The following XPO4 variants were observed in gnomAD, a reference collection of about 807,000 sequenced individuals.
XPO4 encodes the protein exportin-4.
A neutral mutation model predicts 143.0 loss-of-function variants in XPO4; 39 were observed. The ratio of observed to expected loss-of-function variants is 0.27; its 90% CI spans 0.21 to 0.36. XPO4 has a LOEUF of 0.36. XPO4 is among the 10% of genes least tolerant of loss of function. The pLI is 1.00. For missense variants in XPO4, 907 were observed against 1,348.0 expected (o/e 0.67, Z 5.12); for synonymous variants, 439 against 474.0 (o/e 0.93, Z 0.96).
At position 20,783,671 on chromosome 13, in the gene XPO4, A is replaced by G; in HGVS notation, c.*51T>C. 6.3e-7 allele frequency: 1 copy of G among 1,593,498 alleles called. No homozygotes were observed. Among genetic ancestry groups the G allele is most frequent in the Non-Finnish European group, 8.6e-7 (1 of 1,161,654 alleles). On this transcript the variant is annotated 3_prime_UTR_variant, in exon 23 of 23. Coordinates refer to ENST00000255305, the MANE Select transcript of XPO4 (RefSeq NM_022459.5). ...ACAAGACTCAAGTCAACTTTCAGCAATTCAGTGCACTTTGCAGAAAGGATC... is the reference window on the plus strand; with the variant it reads ...ACAAGACTCAAGTCAACTTTCAGCAGTTCAGTGCACTTTGCAGAAAGGATC...
chr13:20,791,554 G>T (rs2059280050), intron 18 of XPO4, among the ~76,000 whole-genome samples: 1 of 152,052 alleles, frequency 6.6e-6, no homozygotes, highest in Non-Finnish European at 1.5e-5. Flanking sequence ...TAATGACAAG[G>T]GAAAGGTTAA....
chr13:20,902,626 G>A (rs1173555459), intron 1 of XPO4, 44 bp downstream of exon 1: 13 of 1,507,978 alleles, frequency 8.6e-6, no homozygotes, highest in African/African-American at 1.4e-5. Context: ...AGGGCCGACC[G>A]GGGGCCCGCG....
chr13:20,877,788 G>A (rs368187250), intron 1 of XPO4, among the ~76,000 whole-genome samples: 23 of 152,272 alleles, frequency 1.5e-4, no homozygotes, highest in African/African-American at 4.3e-4. Context: ...ATCCAGAGTA[G>A]AAAGTAAAAA....
intron 1 of XPO4, among the ~76,000 whole-genome samples, chr13:20,888,311 G>A (rs2060479704): frequency 6.6e-6 from 1 of 151,864 alleles, no homozygotes; most frequent in South Asian, 2.1e-4. Context: ...CCAAGTATAT[G>A]GCATGATCTT....
chr13:20,858,083 G>A, intron 3 of XPO4: 1 of 615,682 alleles, frequency 1.6e-6, no homozygotes, highest in Non-Finnish European at 2.0e-6. Flanking sequence ...TGTCATGAAA[G>A]GCAAAAAAGA....
At chr13:20,874,651 C>T (rs190198067) in intron 1 of XPO4, among the ~76,000 whole-genome samples, 38 of 152,270 alleles carry the variant, frequency 2.5e-4, no homozygotes, top group Non-Finnish European at 4.7e-4. Context: ...CATCAGATGC[C>T]GGCACCATGC....
chr13:20,876,266 A>G lies in XPO4; in HGVS notation c.70-7565T>C, dbSNP rs913059516. Among the ~76,000 whole-genome samples, 22 of 113,750 alleles carry G rather than the reference A, an allele frequency of 1.9e-4. No homozygotes were observed. The East Asian group carries it at 0.011, about 56-fold the overall frequency. The allele number at this position is 113,750 out of a possible 152,430, so 74.6% of individuals were successfully genotyped here. A position where few individuals can be genotyped will look rare whatever the true frequency, so the allele number is the denominator to read the frequency against. On this transcript the variant is annotated intron_variant, in intron 1 of 22. Coordinates refer to ENST00000255305, the MANE Select transcript of XPO4 (RefSeq NM_022459.5). ...AATGAAAGCAAAACTCCATCTCGGA[A>G]AAAAAAAAAAAAAAAAAAGAATAAG...
At chr13:20,848,819 A>C in intron 4 of XPO4, 1 of 985,344 alleles carries the variant, frequency 1.0e-6, no homozygotes, top group African/African-American at 1.7e-5. Context: ...TCTACAAGAC[A>C]ATTTTAATAT....
chr13:20,899,172 A>G (rs895096057), intron 1 of XPO4, among the ~76,000 whole-genome samples: 1 of 152,072 alleles, frequency 6.6e-6, no homozygotes, highest in Non-Finnish European at 1.5e-5. Flanking sequence ...GGTTCCTGGA[A>G]CTAACCTCTC....
At chr13:20,784,370 C>T (rs1180010404) in intron 22 of XPO4, among the ~76,000 whole-genome samples, 1 of 152,164 alleles carries the variant, frequency 6.6e-6, no homozygotes, top group Non-Finnish European at 1.5e-5. Context: ...CTGAGGACAG[C>T]AATGTGCACA....
intron 4 of XPO4, among the ~76,000 whole-genome samples, chr13:20,853,336 CAAAAA>C (rs56312143): frequency 9.8e-6 from 1 of 101,986 alleles, no homozygotes; most frequent in Non-Finnish European, 1.9e-5. Flanking sequence ...GACCCTGTCT[CAAAAA>C]AAAAAAAAAA....
chr13:20,792,923 G>A (rs1178277630), intron 18 of XPO4, among the ~76,000 whole-genome samples: 1 of 151,786 alleles, frequency 6.6e-6, no homozygotes, highest in South Asian at 2.1e-4. Context: ...GAGTAGCTGG[G>A]ATTACAGGCA....
chr13:20,810,857 C>T (rs1000365967), intron 9 of XPO4, among the ~76,000 whole-genome samples: 1 of 152,186 alleles, frequency 6.6e-6, no homozygotes, highest in African/African-American at 2.4e-5. Context: ...GTCCTCTTTC[C>T]TATTCTTTCT....
intron 3 of XPO4, chr13:20,856,750 C>T (rs553637420): frequency 3.9e-5 from 31 of 792,082 alleles, no homozygotes; most frequent in Middle Eastern, 6.5e-4. Flanking sequence ...TCCACACACA[C>T]GCACAACTGC....
Position 20,858,253 on chromosome 13 carries a change from G to T in XPO4, c.318-2488C>A, listed in dbSNP as rs187581424. Among the ~76,000 whole-genome samples, 156 of 152,050 alleles carry T rather than the reference G, an allele frequency of 1.0e-3. 5 individuals carry two copies. The highest frequency in any genetic ancestry group is 6.8e-3 in the Middle Eastern group (2 of 294). On this transcript the variant is annotated intron_variant, in intron 3 of 22. Coordinates refer to ENST00000255305, the MANE Select transcript of XPO4 (RefSeq NM_022459.5). ...CCAAAAAAAAAGTATAAAGGAAAAA[G>T]GATGTAAATATTATTCAGACAATTG...
At chr13:20,814,987 CAAAT>C (rs770364097) in intron 9 of XPO4, among the ~76,000 whole-genome samples, 9 of 152,104 alleles carry the variant, frequency 5.9e-5, no homozygotes, top group Non-Finnish European at 1.3e-4. Flanking sequence ...AAAATGCTGT[CAAAT>C]GAAGCTTTGA....
At chr13:20,870,104 A>AAAAAGAATTG (rs1352783292) in intron 1 of XPO4, among the ~76,000 whole-genome samples, 3,154 of 149,464 alleles carry the variant, frequency 0.021, 168 homozygotes, top group African/African-American at 0.076. Flanking sequence ...AAAAAAAAAA[A>AAAAAGAATTG]AAAGAATTGT....
rs149432611 is a variant in XPO4 at position 20,902,007 on chromosome 13, G to A, written c.69+663C>T. 6.4e-5 allele frequency: 56 copies of A among 876,456 alleles called. No homozygotes were observed. The African/African-American group carries it at 8.3e-4, about 13-fold the overall frequency. 54.3% of individuals were successfully genotyped at this position (876,456 alleles called of 1,614,324 possible). A position where few individuals can be genotyped will look rare whatever the true frequency, so the allele number is the denominator to read the frequency against. On this transcript the variant is annotated intron_variant, in intron 1 of 22. Transcript: ENST00000255305. ...ATCTCATCAAACTGCTTATTGTAGT[G>A]TAAGCATGAAGTCAAAGAGTAGCAT...
At chr13:20,809,250 AATGAGGAACTGCATTGCCT>A in intron 10 of XPO4, 25 bp from the exon 11 acceptor site, 1 of 1,609,090 alleles carries the variant, frequency 6.2e-7, no homozygotes, top group East Asian at 2.2e-5. Flanking sequence ...AGAAATAAAC[AATGAGGAACTGCATTGCCT>A]ATTCAACGTG....
Sources: allele counts gnomAD v4.1 joint callset (sites outside exome capture counted in the v4.1 genomes callset), GRCh38; gene constraint gnomAD v4.1.1; transcripts MANE v1.5; gene names NCBI Gene and HGNC (gene_info 2026-07-23, HGNC 2026-07-21).